MEN1: variants seen among roughly 807,000 people sequenced by gnomAD.
MEN1 encodes the protein menin 1.
In MEN1, 6 loss-of-function variants were observed where a neutral mutation model predicts 58.0. The ratio of observed to expected loss-of-function variants is 0.10; its 90% CI spans 0.06 to 0.20. The LOEUF (loss-of-function observed/expected upper bound fraction) is 0.20. MEN1 is among the 10% of genes least tolerant of loss of function. MEN1 has a pLI of 1.00. For synonymous variants in MEN1, 346 were observed against 350.7 expected (o/e 0.99, Z 0.15); for missense variants, 492 against 818.5 (o/e 0.60, Z 4.87).
intron 1 of MEN1, 42 bp from the exon 2 acceptor site, chr11:64,810,174 C>A: frequency 8.1e-7 from 1 of 1,239,690 alleles, no homozygotes; most frequent in South Asian, 1.4e-5. Context: ...GCAGGTTCGG[C>A]CGGGGAGCCT....
upstream of MEN1, chr11:64,810,807 G>A (rs1372399057): frequency 1.3e-5 from 2 of 152,180 alleles, no homozygotes; most frequent in African/African-American, 4.8e-5. Context: ...ATGTAGTCCG[G>A]GGGCACTACC....
chr11:64,806,218 A>G lies in MEN1; in HGVS notation c.1049+14T>C. 6.2e-7 allele frequency: 1 copy of G among 1,614,014 alleles called. No homozygotes were observed. The highest frequency in any genetic ancestry group is 1.1e-5 in the South Asian group (1 of 91,082). ...GAAAGGACAGGCTGCAGGCCCTAGT[A>G]GGGGGATCCTCACTCCTGGATGACA... On this transcript the variant is annotated intron_variant, in intron 7 of 9. Transcript: ENST00000450708.
At position 64,809,882 on chromosome 11, in the gene MEN1, G is replaced by C. The variant is rs1394017906; in HGVS notation, c.228C>G (p.Thr76=). Residue 76 remains threonine (T), a synonymous_variant, in exon 2 of 10, where the codon ACC becomes ACG. Transcript: ENST00000450708. ...TAGACAGGTCGGCCACGGGAAAGTA[G>C]GTGAGGCCGCCAGGCGGGTCGGGGG... ...SPAPDPPGGL[T]YFPVADLSII... is the part of the protein sequence containing the mutation. 29 of 1,602,176 alleles carry C rather than the reference G, an allele frequency of 1.8e-5. No individual in the cohort carries two copies. Among genetic ancestry groups the C allele is most frequent in the Non-Finnish European group, 2.5e-5 (29 of 1,174,284 alleles).
intron 2 of MEN1, among the ~76,000 whole-genome samples, chr11:64,809,089 C>A (rs578046625): frequency 8.6e-4 from 131 of 151,724 alleles, no homozygotes; most frequent in Non-Finnish European, 1.5e-3. Context: ...TAGTGAGACA[C>A]CATCTCTACA....
In MEN1 at chr11:64,807,804, G is replaced by A; in HGVS notation, c.654+87C>T. 6.2e-7 allele frequency: 1 copy of A among 1,606,044 alleles called. No homozygotes were observed. The highest frequency in any genetic ancestry group is 1.1e-5 in the South Asian group (1 of 90,690). ...CTATGTGGGTGGTGATGGGAAGAAA[G>A]GGGTGTGGCCCAAGAAAATGGAGTC... is the stretch of plus-strand genomic sequence containing the variant. On this transcript the variant is annotated intron_variant, in intron 3 of 9. Coordinates refer to ENST00000450708, the MANE Select transcript of MEN1 (RefSeq NM_001370259.2). The surrounding 1 kb of genome is among the most constrained non-coding windows in gnomAD (Gnocchi z 4.9).
chr11:64,804,757 C>T lies in MEN1; in HGVS notation c.1410G>A (p.Pro470=), dbSNP rs1060503795. The T allele has an allele frequency of 5.6e-6, 9 of 1,596,956 alleles. No individual in the cohort carries two copies. The highest frequency in any genetic ancestry group is 3.3e-5 in the Admixed American group (2 of 59,932). The change falls in exon 10 of 10, where the codon CCG becomes CCA. Residue 470 remains proline (P), a synonymous_variant. Coordinates refer to ENST00000450708, the MANE Select transcript of MEN1 (RefSeq NM_001370259.2). The surrounding 1 kb of genome is among the most constrained non-coding windows in gnomAD (Gnocchi z 4.2). ...REAEAAEAEE[P]WGEEAREGRR... is the part of the protein sequence containing the mutation. ...GGCCTTCCCGGGCTTCCTCGCCCCACGGCTCCTCGGCCTCGGCCGCCTCGG... is the reference window on the plus strand; with the variant it reads ...GGCCTTCCCGGGCTTCCTCGCCCCATGGCTCCTCGGCCTCGGCCGCCTCGG...
rs2136134604 is a variant in MEN1 at position 64,807,222 on chromosome 11, A to G, written c.784-3T>C. On this transcript the variant is annotated splice_region_variant and splice_polypyrimidine_tract_variant and intron_variant, in intron 4 of 9. Transcript: ENST00000450708. The surrounding 1 kb of genome is among the most constrained non-coding windows in gnomAD (Gnocchi z 4.9). ...TCATAGAGCAGCCAGAGCAGCTTCT[A>G]GGAGCCGAAGGAGAGAGTTATGAGC... The G allele has an allele frequency of 6.2e-7, 1 of 1,612,916 alleles. No individual in the cohort carries two copies. The highest frequency in any genetic ancestry group is 8.5e-7 in the Non-Finnish European group (1 of 1,179,820).
Position 64,809,956 on chromosome 11 carries a change from G to A in MEN1, c.154C>T (p.Arg52Cys), listed in dbSNP as rs1555166664. Residue 52 changes from arginine to cysteine, a missense_variant, in exon 2 of 10, where the codon CGC (arginine) becomes TGC (cysteine). Coordinates refer to ENST00000450708, the MANE Select transcript of MEN1 (RefSeq NM_001370259.2). The part of the protein sequence containing the change: ...GFVEHFLAVN[R>C]VIPTNVPELT... ...TCGGGAACGTTGGTAGGGATGACGCGGTTGACAGCCAGAAAATGCTCCACG... is the reference window on the plus strand; with the variant it reads ...TCGGGAACGTTGGTAGGGATGACGCAGTTGACAGCCAGAAAATGCTCCACG... The A allele has an allele frequency of 6.3e-7, 1 of 1,586,090 alleles. No homozygotes were observed. Among genetic ancestry groups the A allele is most frequent in the Non-Finnish European group, 8.6e-7 (1 of 1,166,330 alleles).
intron 7 of MEN1, 114 bp from the exon 8 acceptor site, chr11:64,805,884 T>C: frequency 1.9e-6 from 2 of 1,064,234 alleles, no homozygotes; most frequent in Admixed American, 3.4e-5. Flanking sequence ...GGTGGGGTCC[T>C]CACTGCAAAA....
rs1343300136 is a variant in MEN1, at chr11:64,804,906, A to AG, written c.1351-91dup. 1 of 1,596,484 alleles carries AG rather than the reference A, an allele frequency of 6.3e-7. No homozygotes were observed. Among genetic ancestry groups the AG allele is most frequent in the African/African-American group, 1.3e-5 (1 of 74,868 alleles). ...CTGCTCTGGCCATCCCATCCCACCCAGGGGGTCTCAGTCCCATCGGCACCC... is the reference window on the plus strand; with the variant it reads ...CTGCTCTGGCCATCCCATCCCACCCAGGGGGGTCTCAGTCCCATCGGCACCC... On this transcript the variant is annotated intron_variant, in intron 9 of 9. Coordinates refer to ENST00000450708, the MANE Select transcript of MEN1 (RefSeq NM_001370259.2). This position sits in a 1 kb window ranked among gnomAD's most constrained non-coding sequence, Gnocchi z 4.2.
rs2136145600 is a variant in MEN1 at position 64,807,789 on chromosome 11, G to A, written c.654+102C>T. Reference sequence around the variant, plus strand: ...TTCTGTCTTCCCTTCCTATGTGGGTGGTGATGGGAAGAAAGGGGTGTGGCC... The same window carrying A: ...TTCTGTCTTCCCTTCCTATGTGGGTAGTGATGGGAAGAAAGGGGTGTGGCC... On this transcript the variant is annotated intron_variant, in intron 3 of 9. Transcript: ENST00000450708. This position sits in a 1 kb window ranked among gnomAD's most constrained non-coding sequence, Gnocchi z 4.9. 6.2e-7 allele frequency: 1 copy of A among 1,605,044 alleles called. No individual in the cohort carries two copies. The highest frequency in any genetic ancestry group is 8.5e-7 in the Non-Finnish European group (1 of 1,172,882).
chr11:64,805,489 G>T, intron 8 of MEN1, 146 bp downstream of exon 8: 2 of 1,095,440 alleles, frequency 1.8e-6, no homozygotes, highest in Non-Finnish European at 2.6e-6. Flanking sequence ...CAGGACCTCA[G>T]TTATAGCAAA....
rs966793401 is a variant in MEN1 at position 64,810,094 on chromosome 11, C to G, written c.16G>C (p.Ala6Pro). ...CGCAGCGGGAACAGCGTCTTCTGGG[C>G]GGCCTTCAGCCCCATGGCGGCGGGC... Reference protein sequence around the residue: MGLKAAQKTLFPLRSI... With the variant: MGLKAPQKTLFPLRSI... Residue 6 changes from alanine (A) to proline (P), a missense_variant, in exon 2 of 10, where the codon GCC becomes CCC. By Grantham distance (27) the Ala-to-Pro change is conservative. This residue lies in a region of MEN1 where 335 missense variants were observed against 550.3 expected (regional missense o/e 0.61). Coordinates refer to ENST00000450708, the MANE Select transcript of MEN1 (RefSeq NM_001370259.2). The G allele has an allele frequency of 7.2e-7, 1 of 1,389,542 alleles. No individual in the cohort carries two copies. The highest frequency in any genetic ancestry group is 9.6e-7 in the Non-Finnish European group (1 of 1,037,812). 86.1% of individuals were successfully genotyped at this position (1,389,542 alleles called of 1,614,324 possible).
chr11:64,809,726 G>A lies in MEN1; in HGVS notation c.384C>T (p.Ser128=), dbSNP rs2136180690. The A allele has an allele frequency of 6.2e-7, 1 of 1,614,164 alleles. No homozygotes were observed. Among genetic ancestry groups the A allele is most frequent in the Non-Finnish European group, 8.5e-7 (1 of 1,180,036 alleles). The part of the protein sequence containing the change: ...VKKVSDVIWN[S]LSRSYFKDRA... Reference sequence around the variant, plus strand: ...GATCCTTGAAGTAGGAGCGGCTGAGGCTGTTCCATATGACATCGGAGACCT... The same window carrying A: ...GATCCTTGAAGTAGGAGCGGCTGAGACTGTTCCATATGACATCGGAGACCT... The change falls in exon 2 of 10, where the codon AGC becomes AGT. Residue 128 remains serine (S), a synonymous_variant. Transcript: ENST00000450708.
chr11:64,810,239 C>T, intron 1 of MEN1, 107 bp from the exon 2 acceptor site: 1 of 688,736 alleles, frequency 1.5e-6, no homozygotes, highest in Non-Finnish European at 2.4e-6. Flanking sequence ...AGCTCCCCTG[C>T]TTCCCCACCC....
chr11:64,806,192 A>C, intron 7 of MEN1, 40 bp downstream of exon 7: 8 of 1,612,628 alleles, frequency 5.0e-6, no homozygotes, highest in Non-Finnish European at 6.8e-6. Context: ...ATGGAGGGGA[A>C]GAAAGGACAG....
Position 64,804,655 on chromosome 11 carries a change from C to G in MEN1, c.1512G>C (p.Leu504=). Residue 504 remains leucine (L), a synonymous_variant, in exon 10 of 10, where the codon CTG becomes CTC. Transcript: ENST00000450708. This position sits in a 1 kb window ranked among gnomAD's most constrained non-coding sequence, Gnocchi z 4.2. ...CTGACACTGCACCCTGGCCGGTGCC[C>G]AGGCCCTTGTCCAGTGCTGGCTTCT... ...PPKKPALDKG[L]GTGQGAVSGP... is the part of the protein sequence containing the mutation. 6.3e-7 allele frequency: 1 copy of G among 1,599,796 alleles called. No homozygotes were observed. Among genetic ancestry groups the G allele is most frequent in the Non-Finnish European group, 8.5e-7 (1 of 1,176,048 alleles).
chr11:64,806,018 GA>G (rs1335438052), intron 7 of MEN1: 480 of 635,102 alleles, frequency 7.6e-4, no homozygotes, highest in Non-Finnish European at 9.5e-4. Flanking sequence ...ACTGTTCTGA[GA>G]AAAAAAAAAT....
In MEN1 at chr11:64,804,061, A is replaced by C; in HGVS notation, c.*273T>G. The C allele has an allele frequency of 2.0e-6, 1 of 509,054 alleles. No homozygotes were observed. Among genetic ancestry groups the C allele is most frequent in the Non-Finnish European group, 3.6e-6 (1 of 280,264 alleles). The allele number at this position is 509,054 out of a possible 1,614,324, so 31.5% of individuals were successfully genotyped here. A position where few individuals can be genotyped will look rare whatever the true frequency, so the allele number is the denominator to read the frequency against. On this transcript the variant is annotated 3_prime_UTR_variant, in exon 10 of 10. Coordinates refer to ENST00000450708, the MANE Select transcript of MEN1 (RefSeq NM_001370259.2). The surrounding 1 kb of genome is among the most constrained non-coding windows in gnomAD (Gnocchi z 4.2). ...TTGGGTTTCTAGGGGCTGGGCCTTT[A>C]AAGACTGGTAATTAGGACCCAGCGT...
Sources: allele counts gnomAD v4.1 joint callset (sites outside exome capture counted in the v4.1 genomes callset), GRCh38; gene constraint gnomAD v4.1.1; regional missense constraint gnomAD v4.1.1; non-coding constraint Gnocchi (gnomAD v3.1); transcripts MANE v1.5; gene names NCBI Gene and HGNC (gene_info 2026-07-23, HGNC 2026-07-21).